GPR55: variants seen among roughly 807,000 people sequenced by gnomAD.
GPR55 encodes the protein G protein-coupled receptor 55, also known as G-protein coupled receptor 55.
A neutral mutation model predicts 7.9 loss-of-function variants in GPR55; 6 were observed. That is an observed-to-expected ratio of 0.76 (90% CI 0.41 to 1.49). The LOEUF is 1.49. Among genes scored for constraint, GPR55 ranks in the 40% most tolerant of loss-of-function variants. The pLI, the probability that GPR55 is intolerant of heterozygous loss-of-function variation, is 0.01. For synonymous variants in GPR55, 183 were observed against 166.8 expected, an observed-to-expected ratio of 1.10 and a Z score of -0.75; for missense variants, 376 against 406.0, an observed-to-expected ratio of 0.93 and a Z score of 0.63.
intron 1 of GPR55, among the ~76,000 whole-genome samples, chr2:230,953,770 T>A (rs558815705): frequency 1.3e-5 from 2 of 152,226 alleles, no homozygotes; most frequent in East Asian, 3.9e-4. Flanking sequence ...AAGAGCAGGA[T>A]CTCCTAGGAA....
intron 1 of GPR55, among the ~76,000 whole-genome samples, chr2:230,919,149 C>A (rs946974603): frequency 6.6e-6 from 1 of 152,072 alleles, no homozygotes; most frequent in Non-Finnish European, 1.5e-5. Flanking sequence ...AAAGAAATTC[C>A]AAATTCATCA....
rs142268744 is a variant in GPR55, at chr2:230,947,285, GC to G, written c.-135+13489del. On this transcript the variant is annotated intron_variant, in intron 1 of 1. Transcript: ENST00000392039. ...TGGTTAGGTGTGCTGCAGCAGCAAA[GC>G]TGGAGCCTGCCAGCTGCACCTTGGA... 3.3e-3 allele frequency among the ~76,000 whole-genome samples: 510 copies of G among 152,314 alleles called. 4 individuals carry two copies. The highest frequency in any genetic ancestry group is 0.012 in the African/African-American group (500 of 41,558).
At position 230,909,984 on chromosome 2, in the gene GPR55, T is replaced by C; in HGVS notation, c.*19A>G. 6.2e-7 allele frequency: 1 copy of C among 1,602,030 alleles called. No homozygotes were observed. The highest frequency in any genetic ancestry group is 8.5e-7 in the Non-Finnish European group (1 of 1,173,860). On this transcript the variant is annotated 3_prime_UTR_variant, in exon 2 of 2. Coordinates refer to ENST00000650999, the MANE Select transcript of GPR55 (RefSeq NM_005683.4). ...ATTCAGGGCCAGGGCTTTCTTCCCC[T>C]GAACAGGATGTCCTTCCGTTAGCCC... is the stretch of plus-strand genomic sequence containing the variant.
At chr2:230,951,776 T>TGA (rs1344905703) in intron 1 of GPR55, among the ~76,000 whole-genome samples, 5 of 122,216 alleles carry the variant, frequency 4.1e-5, no homozygotes, top group Non-Finnish European at 6.8e-5. Flanking sequence ...TTTTTTTTTG[T>TGA]GAGACAGGGT....
upstream of GPR55, among the ~76,000 whole-genome samples, chr2:230,928,989 C>T (rs528922459): frequency 1.3e-4 from 20 of 152,332 alleles, no homozygotes; most frequent in South Asian, 1.7e-3. Context: ...GGGAACACTT[C>T]TGTTCCCAAG....
chr2:230,912,263 A>G (rs1464667469), intron 1 of GPR55, among the ~76,000 whole-genome samples: 1 of 152,096 alleles, frequency 6.6e-6, no homozygotes, highest in East Asian at 1.9e-4. Context: ...AAGTGCGGCC[A>G]GGTCCTGCCG....
intron 1 of GPR55, among the ~76,000 whole-genome samples, chr2:230,959,667 ATT>A (rs35915113): frequency 0.02 from 3,024 of 150,672 alleles, 99 homozygotes; most frequent in African/African-American, 0.069. Context: ...GCACTGCATT[ATT>A]TTTTTTTTTG....
At chr2:230,925,373 G>A (rs2125058498), upstream of GPR55, 1 of 152,940 alleles carries the variant, frequency 6.5e-6, no homozygotes, top group Admixed American at 6.5e-5. Flanking sequence ...GGGGTCTACA[G>A]AGAGGCTGTG....
At chr2:230,934,684 G>A (rs971870950) in intron 1 of GPR55, among the ~76,000 whole-genome samples, 4 of 152,160 alleles carry the variant, frequency 2.6e-5, no homozygotes, top group East Asian at 1.9e-4. Flanking sequence ...GGCCCTGTTT[G>A]CTATCTGGGG....
At chr2:230,919,641 T>A (rs1440549904) in intron 1 of GPR55, among the ~76,000 whole-genome samples, 1 of 152,224 alleles carries the variant, frequency 6.6e-6, no homozygotes, top group Non-Finnish European at 1.5e-5. Flanking sequence ...GAAAATTGTA[T>A]GTCTTTAATC....
rs1306506879 is a variant in GPR55, at chr2:230,907,454, G to C, written c.*2549C>G. 6.6e-6 allele frequency: 1 copy of C among 152,224 alleles called. No individual in the cohort carries two copies. The highest frequency in any genetic ancestry group is 2.4e-5 in the African/African-American group (1 of 41,442). 9.4% of individuals were successfully genotyped at this position (152,224 alleles called of 1,614,324 possible). ...GGGCCAGCTTGGGTTGCAGCTATGT[G>C]GGTCCAAACTCTCGGCCCTCCTGCC... On this transcript the variant is annotated 3_prime_UTR_variant, in exon 2 of 2. Transcript: ENST00000650999.
intron 1 of GPR55, among the ~76,000 whole-genome samples, chr2:230,935,613 A>G (rs115622838): frequency 0.019 from 2,856 of 152,216 alleles, 84 homozygotes; most frequent in African/African-American, 0.065. Flanking sequence ...CATGCCCTAG[A>G]TGGATCATGG....
chr2:230,940,888 G>T (rs534292956), intron 1 of GPR55, among the ~76,000 whole-genome samples: 1 of 152,182 alleles, frequency 6.6e-6, no homozygotes, highest in African/African-American at 2.4e-5. Flanking sequence ...AGGCCAAGGC[G>T]GGTGGATTGC....
chr2:230,927,366 G>A (rs1039420622), upstream of GPR55, among the ~76,000 whole-genome samples: 7 of 152,160 alleles, frequency 4.6e-5, no homozygotes, highest in South Asian at 2.1e-4. Flanking sequence ...GCCAAGATAC[G>A]TCTCCAGAGA....
intron 1 of GPR55, among the ~76,000 whole-genome samples, chr2:230,939,766 G>A (rs1046301715): frequency 2.0e-5 from 3 of 152,148 alleles, no homozygotes; most frequent in Non-Finnish European, 2.9e-5. Context: ...AGGAGATAGT[G>A]TGGAAGTTGA....
chr2:230,956,547 A>G (rs1466314127), intron 1 of GPR55, among the ~76,000 whole-genome samples: 1 of 152,204 alleles, frequency 6.6e-6, no homozygotes, highest in Non-Finnish European at 1.5e-5. Context: ...CCTTCACTAA[A>G]TATATATACA....
intron 1 of GPR55, 132 bp from the exon 2 acceptor site, chr2:230,911,228 T>G: frequency 2.2e-6 from 1 of 456,270 alleles, no homozygotes; most frequent in Non-Finnish European, 4.0e-6. Context: ...CTTTGACAAA[T>G]ATAGAACCTG....
intron 1 of GPR55, among the ~76,000 whole-genome samples, chr2:230,913,862 G>C (rs1340631503): frequency 6.6e-6 from 1 of 152,194 alleles, no homozygotes; most frequent in East Asian, 1.9e-4. Context: ...TTGTCTTCAA[G>C]ACCAGAAACA....
At chr2:230,915,635 A>T (rs1197272052) in intron 1 of GPR55, among the ~76,000 whole-genome samples, 1 of 152,198 alleles carries the variant, frequency 6.6e-6, no homozygotes, top group African/African-American at 2.4e-5. Context: ...TGCAAAAGCT[A>T]TGGAGAGAGC....
Sources: gnomAD v4.1 joint callset for allele counts (sites outside exome capture counted in the v4.1 genomes callset) on GRCh38, gnomAD v4.1.1 for gene constraint, MANE v1.5 for transcripts, NCBI Gene and HGNC (gene_info 2026-07-23, HGNC 2026-07-21) for gene names.